Variants in POC1A observed in about 807,000 individuals in gnomAD.
The protein encoded by POC1A is POC1 centriolar protein homolog A.
Under a neutral mutation model 47.8 loss-of-function variants are expected in POC1A, and 34 were observed. That is an observed-to-expected ratio of 0.71 (90% CI 0.54 to 0.95). The LOEUF (loss-of-function observed/expected upper bound fraction) is 0.95. POC1A is among the 40% of genes least tolerant of loss of function. POC1A has a pLI of 0.00. For synonymous variants in POC1A, 177 were observed against 207.6 expected, an observed-to-expected ratio of 0.85 and a Z score of 1.27; for missense variants, 466 against 528.3, an observed-to-expected ratio of 0.88 and a Z score of 1.16.
chr3:52,129,676 G>A (rs1704137935), intron 7 of POC1A, among the ~76,000 whole-genome samples: 2 of 152,138 alleles, frequency 1.3e-5, no homozygotes, highest in Non-Finnish European at 2.9e-5. Context: ...GCTCAATAAG[G>A]GCCTCCCTCC....
chr3:52,130,807 C>T (rs1577892863), intron 7 of POC1A, among the ~76,000 whole-genome samples: 1 of 152,154 alleles, frequency 6.6e-6, no homozygotes. Flanking sequence ...ACACAGTCGC[C>T]TCCCCTGCTT....
At chr3:52,129,758 C>T (rs1577890707) in intron 7 of POC1A, among the ~76,000 whole-genome samples, 1 of 152,242 alleles carries the variant, frequency 6.6e-6, no homozygotes, top group South Asian at 2.1e-4. Flanking sequence ...CAGACACAGC[C>T]TGGCCTCCCT....
At chr3:52,144,646 G>A (rs1698307307) in intron 6 of POC1A, among the ~76,000 whole-genome samples, 1 of 152,146 alleles carries the variant, frequency 6.6e-6, no homozygotes, top group African/African-American at 2.4e-5. Flanking sequence ...AACACCTCCT[G>A]TGAGACAGGC....
chr3:52,083,496 C>T (rs1050726091), intron 10 of POC1A, among the ~76,000 whole-genome samples: 18 of 152,178 alleles, frequency 1.2e-4, no homozygotes, highest in Non-Finnish European at 1.9e-4. Context: ...CTGCTGGCCA[C>T]CTCCTCCCAG....
intron 6 of POC1A, among the ~76,000 whole-genome samples, chr3:52,144,167 G>A (rs1011585784): frequency 2.0e-4 from 31 of 152,112 alleles, no homozygotes; most frequent in African/African-American, 7.2e-4. Context: ...GTCCTGCCTC[G>A]TCGCCTTCCA....
chr3:52,075,771 C>T lies in POC1A; in HGVS notation c.*116G>A, dbSNP rs1702096224. ...GCAGAACTGCAAAAATCCAGGGCTC[C>T]AGTATGGATGTGATTCCCACAGAGT... On this transcript the variant is annotated 3_prime_UTR_variant, in exon 11 of 11. Coordinates refer to ENST00000296484, the MANE Select transcript of POC1A (RefSeq NM_015426.5). The T allele has an allele frequency of 1.2e-6, 1 of 802,244 alleles. No individual in the cohort carries two copies. Among genetic ancestry groups the T allele is most frequent in the Non-Finnish European group, 2.2e-6 (1 of 463,736 alleles). The allele number at this position is 802,244 out of a possible 1,614,324, so 49.7% of individuals were successfully genotyped here.
At position 52,149,832 on chromosome 3, in the gene POC1A, T is replaced by G. The variant is rs765192910; in HGVS notation, c.259A>C (p.Ile87Leu). The G allele has an allele frequency of 1.2e-6, 2 of 1,613,584 alleles. No individual in the cohort carries two copies. Residue 87 changes from isoleucine to leucine, a missense_variant, in exon 3 of 11, where the codon ATC (isoleucine) becomes CTC (leucine). By Grantham distance (5) the Ile-to-Leu change is conservative. Transcript: ENST00000296484. ...ASGSRDKTVR[I>L]WVPNVKGEST... Reference sequence around the variant, plus strand: ...ACGACTCACACATTGGGTACCCAGATGCGGACAGTCTTGTCTCGGGAGCCG... The same window carrying G: ...ACGACTCACACATTGGGTACCCAGAGGCGGACAGTCTTGTCTCGGGAGCCG...
chr3:52,086,304 G>C (rs1329725334), intron 10 of POC1A, among the ~76,000 whole-genome samples: 1 of 152,140 alleles, frequency 6.6e-6, no homozygotes, highest in Non-Finnish European at 1.5e-5. Flanking sequence ...CAACACCCCT[G>C]GTCTCAACTG....
intron 7 of POC1A, among the ~76,000 whole-genome samples, chr3:52,134,193 T>C (rs549963996): frequency 3.9e-4 from 60 of 152,066 alleles, no homozygotes; most frequent in South Asian, 2.1e-4. Context: ...TTACCAGGGC[T>C]GGGATGGGGA....
intron 2 of POC1A, 102 bp downstream of exon 2, chr3:52,150,914 G>A (rs1698533967): frequency 2.0e-6 from 2 of 1,007,140 alleles, no homozygotes; most frequent in East Asian, 4.8e-5. Flanking sequence ...AGACAAAGCT[G>A]TGCAGTCCTT....
intron 9 of POC1A, among the ~76,000 whole-genome samples, chr3:52,107,972 C>G (rs571071983): frequency 6.6e-6 from 1 of 152,318 alleles, no homozygotes; most frequent in South Asian, 2.1e-4. Flanking sequence ...ATTTAGCCTC[C>G]TCCCATCTGT....
intron 10 of POC1A, among the ~76,000 whole-genome samples, chr3:52,087,252 T>C (rs761574960): frequency 8.5e-5 from 13 of 152,350 alleles, no homozygotes; most frequent in Non-Finnish European, 1.3e-4. Context: ...ACTAAAATCT[T>C]TGAGGCCTGA....
At chr3:52,149,785 C>A (rs1346959388) in intron 3 of POC1A, 31 bp downstream of exon 3, 1 of 1,598,000 alleles carries the variant, frequency 6.3e-7, no homozygotes, top group East Asian at 2.2e-5. Flanking sequence ...GCCCCAGACT[C>A]CAACAAGCCT....
At chr3:52,109,365 T>C (rs1703300604) in intron 9 of POC1A, among the ~76,000 whole-genome samples, 1 of 152,160 alleles carries the variant, frequency 6.6e-6, no homozygotes, top group Non-Finnish European at 1.5e-5. Context: ...GAAATGAGAT[T>C]AGCAGAATGT....
At chr3:52,120,598 C>A (rs764443541) in intron 9 of POC1A, among the ~76,000 whole-genome samples, 3 of 152,250 alleles carry the variant, frequency 2.0e-5, no homozygotes, top group Admixed American at 6.5e-5. Context: ...TGGGGCCACA[C>A]ATCCAGGGTT....
At chr3:52,112,072 G>A (rs764571427) in intron 9 of POC1A, among the ~76,000 whole-genome samples, 3 of 152,134 alleles carry the variant, frequency 2.0e-5, no homozygotes, top group African/African-American at 4.8e-5. Flanking sequence ...AAAACCACAC[G>A]CCTGCCTGTC....
intron 9 of POC1A, among the ~76,000 whole-genome samples, chr3:52,106,452 G>T (rs949529247): frequency 6.6e-6 from 1 of 152,200 alleles, no homozygotes; most frequent in Non-Finnish European, 1.5e-5. Context: ...GAGCCCAGGA[G>T]TTGGAGGCTG....
At chr3:52,107,068 C>T (rs540878129) in intron 9 of POC1A, among the ~76,000 whole-genome samples, 2 of 152,260 alleles carry the variant, frequency 1.3e-5, no homozygotes, top group African/African-American at 2.4e-5. Flanking sequence ...AAGAAGAGAG[C>T]GAGATGAAGC....
At chr3:52,146,939 G>A (rs759875901) in intron 5 of POC1A, 49 bp downstream of exon 5, 21 of 1,470,878 alleles carry the variant, frequency 1.4e-5, no homozygotes, top group Admixed American at 1.2e-4. Context: ...CCAGGTCTGT[G>A]CTCTGTGCTT....
Sources: allele counts gnomAD v4.1 joint callset (sites outside exome capture counted in the v4.1 genomes callset), GRCh38; gene constraint gnomAD v4.1.1; transcripts MANE v1.5; gene names NCBI Gene and HGNC (gene_info 2026-07-23, HGNC 2026-07-21).